ADAMTS15: variants seen among roughly 807,000 people sequenced by gnomAD.
ADAMTS15 encodes the protein ADAM metallopeptidase with thrombospondin type 1 motif 15, also known as A disintegrin and metalloproteinase with thrombospondin motifs 15.
ADAMTS15 carries 35 observed loss-of-function variants against 79.1 expected under a neutral mutation model. The ratio of observed to expected loss-of-function variants is 0.44; its 90% CI spans 0.34 to 0.59. The LOEUF (loss-of-function observed/expected upper bound fraction) is 0.59. ADAMTS15 is among the 20% of genes least tolerant of loss of function. The pLI is 0.02. For synonymous variants in ADAMTS15, 616 were observed against 567.3 expected, an observed-to-expected ratio of 1.09 and a Z score of -1.22; for missense variants, 1,324 against 1,318.7, an observed-to-expected ratio of 1.00 and a Z score of -0.06.
At chr11:130,468,099 G>GT (rs1046063613) in intron 4 of ADAMTS15, among the ~76,000 whole-genome samples, 133 of 152,284 alleles carry the variant, frequency 8.7e-4, no homozygotes, top group African/African-American at 2.5e-3. Flanking sequence ...AATCTTTTCT[G>GT]TTTTTTCCTT....
In ADAMTS15 at chr11:130,473,359, C is replaced by T; in HGVS notation, c.2391C>T (p.Ser797=). The T allele has an allele frequency of 6.2e-7, 1 of 1,612,866 alleles. No individual in the cohort carries two copies. Among genetic ancestry groups the T allele is most frequent in the Non-Finnish European group, 8.5e-7 (1 of 1,179,986 alleles). The change falls in exon 8 of 8, where the codon TCC becomes TCT. Residue 797 remains serine, a synonymous_variant. Transcript: ENST00000299164. ...TGACACCGCCCCGGGTCCGCTACTC[C>T]TTCTATCTGCCCAAAGAGCCTCGGG... ...GKMTPPRVRY[S]FYLPKEPRED...
intron 5 of ADAMTS15, among the ~76,000 whole-genome samples, chr11:130,470,152 GTGTATATATATATATATA>G (rs779891556): frequency 0.49 from 35,679 of 73,492 alleles, 7,660 homozygotes; most frequent in Middle Eastern, 0.59. Context: ...ATATATATAT[GTGTATATATATATATATA>G]TATATATATA....
In ADAMTS15 at chr11:130,448,998, C is replaced by G. The variant is rs1295523786; in HGVS notation, c.25C>G (p.Leu9Val). ...CATGCTTCTGCTGGGCATCCTAACCCTGGCTTTCGCCGGGCGAACCGCTGG... is the reference window on the plus strand; with the variant it reads ...CATGCTTCTGCTGGGCATCCTAACCGTGGCTTTCGCCGGGCGAACCGCTGG... The part of the protein sequence containing the change: MLLLGILT[L>V]AFAGRTAGGS... Residue 9 changes from leucine to valine, a missense_variant, in exon 1 of 8, where the codon CTG becomes GTG. Coordinates refer to ENST00000299164, the MANE Select transcript of ADAMTS15 (RefSeq NM_139055.4). The G allele has an allele frequency of 2.0e-6, 3 of 1,509,670 alleles. No homozygotes were observed. The South Asian group carries it at 4.1e-5, about 21-fold the overall frequency. The allele number at this position is 1,509,670 out of a possible 1,614,324, so 93.5% of individuals were successfully genotyped here.
rs148390136 is a variant in ADAMTS15, at chr11:130,449,924, C to T, written c.951C>T (p.Thr317=). The T allele has an allele frequency of 8.1e-6, 13 of 1,598,232 alleles. No individual in the cohort carries two copies. In the African/African-American group the frequency reaches 1.6e-4, roughly 20 times the overall value. The part of the protein sequence containing the change: ...PEYWDTAILF[T]RQDLCGATTC... ...ACTGGGACACTGCCATCCTCTTCACCAGGCAGGTGAGTTGATCTGCCGTCA... is the reference window on the plus strand; with the variant it reads ...ACTGGGACACTGCCATCCTCTTCACTAGGCAGGTGAGTTGATCTGCCGTCA... The change falls in exon 1 of 8, where the codon ACC becomes ACT. Residue 317 remains threonine (T), a synonymous_variant. Transcript: ENST00000299164. This position sits in a 1 kb window ranked among gnomAD's most constrained non-coding sequence, Gnocchi z 7.8.
chr11:130,469,195 C>A, intron 4 of ADAMTS15, 67 bp from the exon 5 acceptor site: 1 of 1,328,668 alleles, frequency 7.5e-7, no homozygotes, highest in Non-Finnish European at 9.7e-7. Context: ...GTGTAGTTTT[C>A]TATGGGCTGA....
intron 4 of ADAMTS15, among the ~76,000 whole-genome samples, chr11:130,466,861 C>T (rs1265983578): frequency 6.6e-6 from 1 of 152,166 alleles, no homozygotes; most frequent in Non-Finnish European, 1.5e-5. Context: ...TTGGAATGCC[C>T]TTTCCCTGAT....
rs1937883984 is a variant in ADAMTS15, at chr11:130,448,684, C to T, written c.-290C>T. 6.6e-6 allele frequency among the ~76,000 whole-genome samples: 1 copy of T among 152,242 alleles called. No individual in the cohort carries two copies. The highest frequency in any genetic ancestry group is 2.4e-5 in the African/African-American group (1 of 41,472). ...TGCGGTTGCGAGAAGCCGCCCGGCA[C>T]CTTCCGCTAGTTCTCGGCTGCAAAT... On this transcript the variant is annotated 5_prime_UTR_variant, in exon 1 of 8. Transcript: ENST00000299164.
intron 4 of ADAMTS15, among the ~76,000 whole-genome samples, chr11:130,468,793 C>T (rs1271477433): frequency 1.1e-4 from 16 of 149,790 alleles, no homozygotes; most frequent in African/African-American, 3.7e-4. Flanking sequence ...AATAATTAGC[C>T]GGGCATGGTA....
chr11:130,465,119 A>G (rs999461494), intron 4 of ADAMTS15, among the ~76,000 whole-genome samples: 3 of 152,112 alleles, frequency 2.0e-5, no homozygotes, highest in Admixed American at 2.0e-4. Context: ...CACACCCACC[A>G]TCACCTCTCT....
rs867041316 is a variant in ADAMTS15 at position 130,474,218 on chromosome 11, A to T, written c.*397A>T. On this transcript the variant is annotated 3_prime_UTR_variant, in exon 8 of 8. Coordinates refer to ENST00000299164, the MANE Select transcript of ADAMTS15 (RefSeq NM_139055.4). ...CATGTCCCAGCAGCTTGGCACCCTC[A>T]GGTGGCCCCATGGGCTCTGAGCCGT... 3 of 200,516 alleles carry T rather than the reference A, an allele frequency of 1.5e-5. No homozygotes were observed. Among genetic ancestry groups the T allele is most frequent in the South Asian group, 2.9e-4 (2 of 6,798 alleles). The allele number at this position is 200,516 out of a possible 1,614,324, so 12.4% of individuals were successfully genotyped here. A position where few individuals can be genotyped will look rare whatever the true frequency, so the allele number is the denominator to read the frequency against.
intron 4 of ADAMTS15, among the ~76,000 whole-genome samples, chr11:130,465,086 C>T (rs1487272331): frequency 3.3e-5 from 5 of 152,176 alleles, no homozygotes; most frequent in Non-Finnish European, 7.3e-5. Context: ...GGCTTACTCT[C>T]CCAACCTCCT....
In ADAMTS15 at chr11:130,474,439, C is replaced by G. The variant is rs373934584; in HGVS notation, c.*618C>G. On this transcript the variant is annotated 3_prime_UTR_variant, in exon 8 of 8. Coordinates refer to ENST00000299164, the MANE Select transcript of ADAMTS15 (RefSeq NM_139055.4). ...GTCCCGAGGTTTCTCATCCTGCACT[C>G]TTGGCCCTCCTATAAAGAAGCAGCC... 1 of 152,480 alleles carries G rather than the reference C, an allele frequency of 6.6e-6. No homozygotes were observed. The highest frequency in any genetic ancestry group is 2.4e-5 in the African/African-American group (1 of 41,440). The allele number at this position is 152,480 out of a possible 1,614,324, so 9.4% of individuals were successfully genotyped here.
Position 130,471,360 on chromosome 11 carries a change from G to A in ADAMTS15, c.2055G>A (p.Val685=). Residue 685 remains valine (V), a synonymous_variant, in exon 7 of 8, where the codon GTG becomes GTA. Coordinates refer to ENST00000299164, the MANE Select transcript of ADAMTS15 (RefSeq NM_139055.4). ...GAGACAATAAGAGCTGCAAGAAGGT[G>A]ACTGGACTCTTCACCAAGCCCATGT... ...CGGDNKSCKK[V]TGLFTKPMHG... 5 of 1,610,098 alleles carry A rather than the reference G, an allele frequency of 3.1e-6. No homozygotes were observed. The highest frequency in any genetic ancestry group is 1.1e-5 in the South Asian group (1 of 90,334).
rs1407576292 is a variant in ADAMTS15 at position 130,449,176 on chromosome 11, TGACGCCG to T, written c.206_212del (p.Thr69MetfsTer37). 1 of 1,612,112 alleles carries T rather than the reference TGACGCCG, an allele frequency of 6.2e-7. No individual in the cohort carries two copies. Among genetic ancestry groups the T allele is most frequent in the African/African-American group, 1.3e-5 (1 of 74,858 alleles). ...TTTCAGGAGGACTTTTACCTACACC[TGACGCCG>T]GATGCTCAGTTCTTGGCTCCCGCCT... is the stretch of plus-strand genomic sequence containing the variant. On this transcript the variant is annotated frameshift_variant, in exon 1 of 8. Coordinates refer to ENST00000299164, the MANE Select transcript of ADAMTS15 (RefSeq NM_139055.4). LOFTEE classifies it high-confidence loss of function. The surrounding 1 kb of genome is among the most constrained non-coding windows in gnomAD (Gnocchi z 7.8).
At chr11:130,451,857 C>T (rs1310581139) in intron 1 of ADAMTS15, among the ~76,000 whole-genome samples, 1 of 152,156 alleles carries the variant, frequency 6.6e-6, no homozygotes, top group Admixed American at 6.5e-5. Context: ...TGCTCAACCC[C>T]CCGGGGGCTG....
At chr11:130,466,199 G>A (rs1027239098) in intron 4 of ADAMTS15, among the ~76,000 whole-genome samples, 7 of 152,230 alleles carry the variant, frequency 4.6e-5, no homozygotes, top group Admixed American at 4.6e-4. Flanking sequence ...GAAGTTTGGA[G>A]TGCTTCGGCA....
chr11:130,463,744 A>C (rs934702582), intron 4 of ADAMTS15, among the ~76,000 whole-genome samples: 5 of 152,196 alleles, frequency 3.3e-5, no homozygotes, highest in African/African-American at 4.8e-5. Context: ...TGTTCAGGGA[A>C]CTGTGTAAGA....
Position 130,473,433 on chromosome 11 carries a change from A to G in ADAMTS15, c.2465A>G (p.His822Arg). The change falls in exon 8 of 8, where the codon CAC (histidine) becomes CGC (arginine). Residue 822 changes from histidine (H) to arginine (R), a missense_variant. By Grantham distance (29) the His-to-Arg change is conservative. Coordinates refer to ENST00000299164, the MANE Select transcript of ADAMTS15 (RefSeq NM_139055.4). Reference sequence around the variant, plus strand: ...GACCCCCGGGGACCCTCTGTCTTGCACAACAGCGTCCTCAGCCTCTCCAAC... The same window carrying G: ...GACCCCCGGGGACCCTCTGTCTTGCGCAACAGCGTCCTCAGCCTCTCCAAC... ...PKDPRGPSVL[H>R]NSVLSLSNQV... is the part of the protein sequence containing the mutation. The G allele has an allele frequency of 6.2e-7, 1 of 1,612,774 alleles. No homozygotes were observed. Among genetic ancestry groups the G allele is most frequent in the Non-Finnish European group, 8.5e-7 (1 of 1,179,974 alleles).
intron 1 of ADAMTS15, among the ~76,000 whole-genome samples, chr11:130,453,303 G>A (rs1229736688): frequency 2.1e-5 from 3 of 141,346 alleles, no homozygotes; most frequent in Non-Finnish European, 3.1e-5. Context: ...TTTAGGACTT[G>A]TAGTTTATGG....
Sources: allele counts gnomAD v4.1 joint callset (sites outside exome capture counted in the v4.1 genomes callset), GRCh38; gene constraint gnomAD v4.1.1; non-coding constraint Gnocchi (gnomAD v3.1); transcripts MANE v1.5; gene names NCBI Gene and HGNC (gene_info 2026-07-23, HGNC 2026-07-21).